CSMD1: variants seen among roughly 807,000 people sequenced by gnomAD.
CSMD1 encodes the protein CUB and Sushi multiple domains 1.
A neutral mutation model predicts 417.5 loss-of-function variants in CSMD1; 213 were observed. That is an observed-to-expected ratio of 0.51 (90% CI 0.46 to 0.57). The LOEUF (loss-of-function observed/expected upper bound fraction) is 0.57. Ranked by LOEUF, CSMD1 falls within the 20% of genes least tolerant of loss-of-function variation. The pLI, the probability that CSMD1 is intolerant of heterozygous loss-of-function variation, is 0.00. For synonymous variants in CSMD1, 2,862 were observed against 1,736.8 expected (o/e 1.65, Z -16.11); for missense variants, 6,923 against 4,529.7 (o/e 1.53, Z -15.17).
chr8:4,732,020 C>G (rs1484321829), intron 1 of CSMD1, among the ~76,000 whole-genome samples: 1 of 152,100 alleles, frequency 6.6e-6, no homozygotes, highest in Non-Finnish European at 1.5e-5. Flanking sequence ...ACTGAGGAGC[C>G]AGTGTTGACT....
At chr8:3,584,014 C>G (rs942833781) in intron 9 of CSMD1, among the ~76,000 whole-genome samples, 4 of 151,984 alleles carry the variant, frequency 2.6e-5, no homozygotes, top group African/African-American at 9.7e-5. Flanking sequence ...TAAAACCCAT[C>G]CACTATAAAA....
intron 5 of CSMD1, among the ~76,000 whole-genome samples, chr8:3,996,024 T>A (rs1016403404): frequency 1.3e-5 from 2 of 152,184 alleles, no homozygotes; most frequent in Admixed American, 6.5e-5. Flanking sequence ...ACAAGGATGA[T>A]CAATTGTTGC....
At chr8:3,769,488 T>C (rs779613638) in intron 5 of CSMD1, among the ~76,000 whole-genome samples, 5 of 117,870 alleles carry the variant, frequency 4.2e-5, no homozygotes, top group African/African-American at 1.1e-4. Flanking sequence ...GTTGAGAAAA[T>C]AGAGGATAAA....
At chr8:4,095,332 A>G (rs1293510832) in intron 3 of CSMD1, among the ~76,000 whole-genome samples, 1 of 152,240 alleles carries the variant, frequency 6.6e-6, no homozygotes, top group African/African-American at 2.4e-5. Flanking sequence ...TTGCCACATT[A>G]GCAGCTTCCT....
intron 2 of CSMD1, among the ~76,000 whole-genome samples, chr8:4,520,837 A>G: frequency 6.6e-6 from 1 of 152,228 alleles, no homozygotes; most frequent in Non-Finnish European, 1.5e-5. Context: ...CGTATATACC[A>G]GGTTTCTAAG....
At chr8:3,842,906 A>C (rs1044152108) in intron 5 of CSMD1, among the ~76,000 whole-genome samples, 4 of 152,150 alleles carry the variant, frequency 2.6e-5, no homozygotes, top group African/African-American at 9.7e-5. Flanking sequence ...AAAAATATAA[A>C]ATTTTAAAAA....
intron 3 of CSMD1, among the ~76,000 whole-genome samples, chr8:4,406,277 C>CAA (rs1386401844): frequency 6.6e-6 from 1 of 152,168 alleles, no homozygotes; most frequent in African/African-American, 2.4e-5. Flanking sequence ...TCAGATAGTG[C>CAA]AATTCAAACA....
chr8:3,904,744 C>G (rs1345166572), intron 5 of CSMD1, among the ~76,000 whole-genome samples: 3 of 149,826 alleles, frequency 2.0e-5, no homozygotes, highest in South Asian at 2.1e-4. Context: ...TCAAGTGATT[C>G]TCATACCTCA....
intron 12 of CSMD1, among the ~76,000 whole-genome samples, chr8:3,461,644 C>G (rs2117155042): frequency 1.3e-5 from 2 of 152,324 alleles, no homozygotes; most frequent in Middle Eastern, 6.8e-3. Context: ...CCAGCATCTT[C>G]CAGATCCTCA....
rs574763826 is a variant in CSMD1 at position 4,166,141 on chromosome 8, C to G, written c.416-134042G>C. ...TGTCTGATGCAAACATAATGTGAAC[C>G]CCATAACATTATTTTAAATTTGTAG... On this transcript the variant is annotated intron_variant, in intron 3 of 69. Transcript: ENST00000635120. Among the ~76,000 whole-genome samples, 3 of 152,162 alleles carry G rather than the reference C, an allele frequency of 2.0e-5. No homozygotes were observed. In the East Asian group the frequency reaches 5.8e-4, roughly 29 times the overall value.
intron 7 of CSMD1, among the ~76,000 whole-genome samples, chr8:3,621,800 G>C (rs977900113): frequency 1.3e-5 from 2 of 151,340 alleles, no homozygotes; most frequent in East Asian, 3.9e-4. Context: ...GTAGAAACAG[G>C]GTTTCACCAT....
intron 5 of CSMD1, among the ~76,000 whole-genome samples, chr8:3,791,906 AG>A (rs1249123557): frequency 4.6e-5 from 7 of 152,172 alleles, no homozygotes; most frequent in African/African-American, 1.7e-4. Flanking sequence ...TGGCATTGAA[AG>A]TAATGGCAAA....
chr8:4,907,894 A>C (rs1805407203), intron 1 of CSMD1, among the ~76,000 whole-genome samples: 1 of 152,186 alleles, frequency 6.6e-6, no homozygotes, highest in South Asian at 2.1e-4. Context: ...TCCTGCAGCC[A>C]TAACAAAAAA....
At chr8:4,351,254 T>C (rs1275315469) in intron 3 of CSMD1, among the ~76,000 whole-genome samples, 1 of 152,174 alleles carries the variant, frequency 6.6e-6, no homozygotes, top group African/African-American at 2.4e-5. Context: ...ATCCTGTCTT[T>C]CTAAGAAGTA....
intron 1 of CSMD1, among the ~76,000 whole-genome samples, chr8:4,776,351 G>A (rs1340814281): frequency 6.6e-6 from 1 of 152,036 alleles, no homozygotes; most frequent in Non-Finnish European, 1.5e-5. Flanking sequence ...ACTAAGTTTT[G>A]AACAACTGCA....
intron 2 of CSMD1, among the ~76,000 whole-genome samples, chr8:4,490,243 T>A (rs1220806670): frequency 6.6e-6 from 1 of 152,046 alleles, no homozygotes; most frequent in African/African-American, 2.4e-5. Flanking sequence ...GGTTTCACCA[T>A]CTTGGCCAGG....
At chr8:4,642,178 CG>C (rs1803234962) in intron 1 of CSMD1, among the ~76,000 whole-genome samples, 1 of 152,180 alleles carries the variant, frequency 6.6e-6, no homozygotes, top group Non-Finnish European at 1.5e-5. Context: ...ACTACTTGTT[CG>C]GGGCCCCGGT....
rs370059994 is a variant in CSMD1 at position 3,719,744 on chromosome 8, G to A, written c.932-11253C>T. 8.1e-4 allele frequency among the ~76,000 whole-genome samples: 123 copies of A among 152,206 alleles called. 2 individuals are homozygous for A. The South Asian group carries it at 0.024, about 30-fold the overall frequency. On this transcript the variant is annotated intron_variant, in intron 6 of 69. Coordinates refer to ENST00000635120, the MANE Select transcript of CSMD1 (RefSeq NM_033225.6). ...ACATATTATGTACAAATATATACTG[G>A]CTGCTTTCCATTCCTCCTGTGTGGA...
chr8:3,107,415 T>C (rs1020187346), intron 45 of CSMD1, among the ~76,000 whole-genome samples: 3 of 152,138 alleles, frequency 2.0e-5, no homozygotes, highest in Non-Finnish European at 2.9e-5. Flanking sequence ...TGTCTCTGAA[T>C]ACTTTATTAA....
Sources: allele counts gnomAD v4.1 joint callset (sites outside exome capture counted in the v4.1 genomes callset), GRCh38; gene constraint gnomAD v4.1.1; transcripts MANE v1.5; gene names NCBI Gene and HGNC (gene_info 2026-07-23, HGNC 2026-07-21).